Variants in ADGRL2 observed in about 807,000 individuals in gnomAD.
ADGRL2 encodes the protein adhesion G protein-coupled receptor L2.
A neutral mutation model predicts 157.4 loss-of-function variants in ADGRL2; 44 were observed. The ratio of observed to expected loss-of-function variants is 0.28; its 90% CI spans 0.22 to 0.36. ADGRL2 has a LOEUF of 0.36. Ranked by LOEUF, ADGRL2 falls within the 10% of genes least tolerant of loss-of-function variation. ADGRL2 has a pLI of 1.00. For missense variants in ADGRL2, 1,510 were observed against 1,768.9 expected, an observed-to-expected ratio of 0.85 and a Z score of 2.63; for synonymous variants, 585 against 624.7, an observed-to-expected ratio of 0.94 and a Z score of 0.95.
chr1:81,928,350 A>G (rs191538098), intron 3 of ADGRL2, among the ~76,000 whole-genome samples: 1 of 152,210 alleles, frequency 6.6e-6, no homozygotes, highest in African/African-American at 2.4e-5. Flanking sequence ...TTGAGGCATA[A>G]TTGGATGTCT....
chr1:81,941,336 A>T (rs1647908091), intron 4 of ADGRL2, among the ~76,000 whole-genome samples: 1 of 151,598 alleles, frequency 6.6e-6, no homozygotes, highest in Non-Finnish European at 1.5e-5. Flanking sequence ...CTTCAAAATC[A>T]CTACTGGTGA....
intron 1 of ADGRL2, among the ~76,000 whole-genome samples, chr1:81,702,255 A>G (rs2083596564): frequency 6.6e-6 from 1 of 152,218 alleles, no homozygotes; most frequent in South Asian, 2.1e-4. Flanking sequence ...TCTGACCACA[A>G]GTAGGCAGGC....
intron 3 of ADGRL2, among the ~76,000 whole-genome samples, chr1:81,640,021 G>A (rs916514746): frequency 3.9e-5 from 6 of 152,156 alleles, no homozygotes; most frequent in Non-Finnish European, 8.8e-5. Context: ...TTCGGTTCAT[G>A]GGGACTCTGG....
At chr1:81,952,264 A>G (rs1369674289) in intron 9 of ADGRL2, 122 bp downstream of exon 9, 2 of 664,810 alleles carry the variant, frequency 3.0e-6, no homozygotes, top group Non-Finnish European at 2.4e-6. Context: ...AAAATTTCTA[A>G]TTTGGTTCAT....
At chr1:81,575,867 T>G (rs775712415) in intron 2 of ADGRL2, among the ~76,000 whole-genome samples, 8 of 152,122 alleles carry the variant, frequency 5.3e-5, no homozygotes, top group Non-Finnish European at 1.0e-4. Context: ...AACTTTTTAG[T>G]AAGGAAAATT....
rs10657640 is a variant in ADGRL2, at chr1:81,610,229, G to GTTTTT, written c.-143+29264_-143+29268dup. 1.3e-4 allele frequency among the ~76,000 whole-genome samples: 17 copies of GTTTTT among 127,376 alleles called. 1 individual carries two copies. Among genetic ancestry groups the GTTTTT allele is most frequent in the Admixed American group, 5.1e-4 (6 of 11,730 alleles). 83.6% of individuals were successfully genotyped at this position (127,376 alleles called of 152,430 possible). A position where few individuals can be genotyped will look rare whatever the true frequency, so the allele number is the denominator to read the frequency against. The stretch of plus-strand genomic sequence containing the variant: ...AACAAAACAGGTTAGTGGCTTGGAG[G>GTTTTT]TTTTTTTTTTTTTTTTTTTGAAGGT... On this transcript the variant is annotated intron_variant, in intron 3 of 24. Coordinates refer to the ADGRL2 transcript ENST00000370721.
chr1:81,819,989 G>C (rs2090818988), intron 1 of ADGRL2, among the ~76,000 whole-genome samples: 1 of 151,874 alleles, frequency 6.6e-6, no homozygotes. Flanking sequence ...TTATTTTATT[G>C]GTACGTGGGG....
chr1:81,366,804 G>C (rs10874224), intron 1 of ADGRL2, among the ~76,000 whole-genome samples: 77,437 of 151,958 alleles, frequency 0.51, 21,751 homozygotes, highest in East Asian at 0.72. Context: ...CCTCCCAGTT[G>C]CTGGATTCTA....
intron 1 of ADGRL2, among the ~76,000 whole-genome samples, chr1:81,398,493 T>C (rs1384028872): frequency 6.6e-6 from 1 of 151,816 alleles, no homozygotes; most frequent in Non-Finnish European, 1.5e-5. Flanking sequence ...ATTTTATACT[T>C]TTGCATGTTT....
intron 1 of ADGRL2, among the ~76,000 whole-genome samples, chr1:81,382,534 TA>T (rs2076361514): frequency 6.6e-6 from 1 of 152,070 alleles, no homozygotes; most frequent in African/African-American, 2.4e-5. Context: ...TTTGCTTTTT[TA>T]AAAGCAACTT....
At chr1:81,771,154 A>C (rs1223945811) in intron 2 of ADGRL2, among the ~76,000 whole-genome samples, 1 of 152,228 alleles carries the variant, frequency 6.6e-6, no homozygotes, top group Non-Finnish European at 1.5e-5. Context: ...TAGTTTGAAC[A>C]GTTCACCATT....
At chr1:81,630,359 T>G (rs922835786) in intron 3 of ADGRL2, among the ~76,000 whole-genome samples, 3 of 152,154 alleles carry the variant, frequency 2.0e-5, no homozygotes, top group African/African-American at 7.2e-5. Context: ...TAATAACTTT[T>G]TATTCATTTA....
At chr1:81,352,702 G>A (rs767540116) in intron 1 of ADGRL2, among the ~76,000 whole-genome samples, 1 of 152,122 alleles carries the variant, frequency 6.6e-6, no homozygotes, top group Admixed American at 6.5e-5. Flanking sequence ...TAAATTTTAT[G>A]TACCTGTTTA....
intron 2 of ADGRL2, among the ~76,000 whole-genome samples, chr1:81,793,241 T>C (rs1003977787): frequency 1.3e-5 from 2 of 149,006 alleles, no homozygotes; most frequent in Non-Finnish European, 2.9e-5. Flanking sequence ...TTGTTTATAA[T>C]AGAAACATCC....
chr1:81,686,164 G>A (rs992366222), intron 3 of ADGRL2, among the ~76,000 whole-genome samples: 11 of 152,156 alleles, frequency 7.2e-5, no homozygotes, highest in African/African-American at 2.7e-4. Context: ...ATGAGTTAGG[G>A]AGGGTTCCTT....
intron 3 of ADGRL2, among the ~76,000 whole-genome samples, chr1:81,634,811 C>G (rs1388913257): frequency 6.6e-6 from 1 of 152,070 alleles, no homozygotes. Flanking sequence ...CATGAGCCGT[C>G]GCGCCTGGCC....
chr1:81,604,176 G>T (rs1192636992), intron 3 of ADGRL2, among the ~76,000 whole-genome samples: 1 of 152,068 alleles, frequency 6.6e-6, no homozygotes, highest in East Asian at 1.9e-4. Flanking sequence ...TGTTGGCCAG[G>T]CTGGTTTCGA....
chr1:81,747,881 T>C (rs2085353620), intron 1 of ADGRL2, among the ~76,000 whole-genome samples: 1 of 152,052 alleles, frequency 6.6e-6, no homozygotes, highest in South Asian at 2.1e-4. Context: ...AAGCTGAGAT[T>C]ATCCTCATTT....
At chr1:81,918,973 A>G (rs962523249) in intron 3 of ADGRL2, among the ~76,000 whole-genome samples, 4 of 152,042 alleles carry the variant, frequency 2.6e-5, no homozygotes, top group African/African-American at 9.7e-5. Context: ...GGACCCTTAA[A>G]TTTTACAAGT....
Sources: allele counts gnomAD v4.1 joint callset (sites outside exome capture counted in the v4.1 genomes callset), GRCh38; gene constraint gnomAD v4.1.1; transcripts MANE v1.5; gene names NCBI Gene and HGNC (gene_info 2026-07-23, HGNC 2026-07-21).